Variants in CLNK observed in about 807,000 individuals in gnomAD.
CLNK encodes the protein cytokine-dependent hematopoietic cell linker.
In CLNK, 74 loss-of-function variants were observed where a neutral mutation model predicts 68.6. The ratio of observed to expected loss-of-function variants is 1.08; its 90% CI spans 0.89 to 1.31. The LOEUF (loss-of-function observed/expected upper bound fraction) is 1.31, where lower values mean the gene tolerates loss of function less well. CLNK is among the 50% of genes most tolerant of loss of function. The probability of loss-of-function intolerance (pLI) is 0.00; values close to 1 mark genes in which losing one functional copy is unlikely to be tolerated. For synonymous variants in CLNK, 198 were observed against 172.2 expected (o/e 1.15, Z -1.17); for missense variants, 553 against 515.3 (o/e 1.07, Z -0.71).
intron 1 of CLNK, among the ~76,000 whole-genome samples, chr4:10,674,293 C>T (rs1335460509): frequency 6.6e-6 from 1 of 152,142 alleles, no homozygotes; most frequent in East Asian, 1.9e-4. Context: ...GGAGAGGCTG[C>T]CTGTTTTCAT....
intron 7 of CLNK, among the ~76,000 whole-genome samples, chr4:10,559,716 AT>A (rs1190970565): frequency 6.6e-6 from 1 of 152,086 alleles, no homozygotes; most frequent in Non-Finnish European, 1.5e-5. Context: ...GCCCAGGAAT[AT>A]TTCCTGTCCC....
chr4:10,494,049 A>G (rs947292140), intron 18 of CLNK, among the ~76,000 whole-genome samples: 3 of 152,222 alleles, frequency 2.0e-5, no homozygotes, highest in Non-Finnish European at 2.9e-5. Flanking sequence ...AGAGCAATGC[A>G]ATCACCAAGA....
chr4:10,531,140 A>C (rs926677375), intron 12 of CLNK, among the ~76,000 whole-genome samples: 1 of 152,242 alleles, frequency 6.6e-6, no homozygotes, highest in African/African-American at 2.4e-5. Context: ...ACACAAAGAC[A>C]AGAACAAAAT....
At chr4:10,516,754 C>T (rs1717853913) in intron 15 of CLNK, among the ~76,000 whole-genome samples, 1 of 152,070 alleles carries the variant, frequency 6.6e-6, no homozygotes, top group African/African-American at 2.4e-5. Context: ...TTTTGCAATG[C>T]TAGCCAGTCT....
intron 2 of CLNK, among the ~76,000 whole-genome samples, chr4:10,625,750 A>T (rs188239474): frequency 6.6e-6 from 1 of 152,306 alleles, no homozygotes; most frequent in East Asian, 1.9e-4. Flanking sequence ...AGAGAGACAG[A>T]GAGTGACAGA....
At chr4:10,556,991 G>T (rs1719695769) in intron 8 of CLNK, among the ~76,000 whole-genome samples, 1 of 152,002 alleles carries the variant, frequency 6.6e-6, no homozygotes, top group Non-Finnish European at 1.5e-5. Flanking sequence ...CAGGAGAATT[G>T]CTTGAGCCAG....
chr4:10,720,207 A>G, the CLNK span, among the ~76,000 whole-genome samples: 1 of 152,176 alleles, frequency 6.6e-6, no homozygotes, highest in African/African-American at 2.4e-5. Context: ...ACAGAACAGA[A>G]ACAAATCAAA....
intron 2 of CLNK, among the ~76,000 whole-genome samples, chr4:10,600,861 A>G (rs1190071721): frequency 2.0e-5 from 3 of 152,172 alleles, no homozygotes; most frequent in Non-Finnish European, 4.4e-5. Context: ...GTTTTCTGAC[A>G]GCCCATGTAG....
chr4:10,560,412 T>C (rs1421239183), intron 7 of CLNK, among the ~76,000 whole-genome samples: 1 of 152,188 alleles, frequency 6.6e-6, no homozygotes, highest in Non-Finnish European at 1.5e-5. Flanking sequence ...GATCCATTTC[T>C]TTTTTTCTTT....
At chr4:10,542,554 A>G (rs370813552) in intron 8 of CLNK, among the ~76,000 whole-genome samples, 10 of 152,092 alleles carry the variant, frequency 6.6e-5, no homozygotes, top group African/African-American at 2.2e-4. Flanking sequence ...AAATGGTACA[A>G]TGAAGATTTC....
the CLNK span, among the ~76,000 whole-genome samples, chr4:10,724,167 A>T: frequency 6.6e-6 from 1 of 152,162 alleles, no homozygotes; most frequent in East Asian, 1.9e-4. Context: ...ATACATATTT[A>T]ACATTATACA....
At chr4:10,563,570 AC>A (rs1719978998) in intron 7 of CLNK, among the ~76,000 whole-genome samples, 1 of 152,218 alleles carries the variant, frequency 6.6e-6, no homozygotes, top group South Asian at 2.1e-4. Context: ...GCAGGTATAT[AC>A]TAAACAATGA....
chr4:10,533,924 C>G (rs953539284), intron 11 of CLNK, among the ~76,000 whole-genome samples: 1 of 152,096 alleles, frequency 6.6e-6, no homozygotes, highest in Non-Finnish European at 1.5e-5. Context: ...TAAAGTTTTG[C>G]TGGCTAGCAT....
chr4:10,696,455 G>C, the CLNK span, among the ~76,000 whole-genome samples: 1 of 152,178 alleles, frequency 6.6e-6, no homozygotes, highest in Non-Finnish European at 1.5e-5. Flanking sequence ...GATGCTTTAG[G>C]GCTTGCTTGC....
At chr4:10,616,645 A>G (rs1722236359) in intron 2 of CLNK, among the ~76,000 whole-genome samples, 1 of 152,120 alleles carries the variant, frequency 6.6e-6, no homozygotes, top group South Asian at 2.1e-4. Context: ...AATCAATGAA[A>G]TCATTCTATG....
intron 7 of CLNK, among the ~76,000 whole-genome samples, chr4:10,560,364 G>A (rs556496483): frequency 2.1e-4 from 32 of 152,122 alleles, no homozygotes; most frequent in Admixed American, 8.5e-4. Flanking sequence ...CCACCTAAGG[G>A]GTCTAGACAA....
intron 10 of CLNK, among the ~76,000 whole-genome samples, chr4:10,541,039 C>T (rs936423383): frequency 6.6e-6 from 1 of 151,922 alleles, no homozygotes; most frequent in South Asian, 2.1e-4. Flanking sequence ...ACATGGTAAA[C>T]CCCGTTTCTA....
intron 2 of CLNK, among the ~76,000 whole-genome samples, chr4:10,627,119 G>A (rs1722704795): frequency 6.6e-6 from 1 of 152,152 alleles, no homozygotes; most frequent in African/African-American, 2.4e-5. Context: ...CTTTGAAGCT[G>A]TTGGCAGGAA....
chr4:10,692,408 C>G, the CLNK span, among the ~76,000 whole-genome samples: 3 of 152,118 alleles, frequency 2.0e-5, no homozygotes, highest in Non-Finnish European at 4.4e-5. Flanking sequence ...GTTGGTGATC[C>G]CGTGACTCAG....
Sources: allele counts gnomAD v4.1 joint callset (sites outside exome capture counted in the v4.1 genomes callset), GRCh38; gene constraint gnomAD v4.1.1; transcripts MANE v1.5; gene names NCBI Gene and HGNC (gene_info 2026-07-23, HGNC 2026-07-21).